Variants in CRMP1 observed in about 807,000 individuals in gnomAD.
CRMP1 encodes the protein collapsin response mediator protein 1.
A neutral mutation model predicts 68.3 loss-of-function variants in CRMP1; 19 were observed. The ratio of observed to expected loss-of-function variants is 0.28; its 90% CI spans 0.19 to 0.41. The LOEUF is 0.41. CRMP1 is among the 10% of genes least tolerant of loss of function. The probability of loss-of-function intolerance (pLI) is 1.00; values close to 1 mark genes in which losing one functional copy is unlikely to be tolerated. For synonymous variants in CRMP1, 439 were observed against 399.6 expected, an observed-to-expected ratio of 1.10 and a Z score of -1.18; for missense variants, 791 against 967.4, an observed-to-expected ratio of 0.82 and a Z score of 2.42.
In CRMP1 at chr4:5,842,974, G is replaced by A; in HGVS notation, c.1032+119C>T. On this transcript the variant is annotated intron_variant, in intron 7 of 13. Transcript: ENST00000324989. This position sits in a 1 kb window ranked among gnomAD's most constrained non-coding sequence, Gnocchi z 4.5. ...GGGGAAAACAAGATGGTTTGGGATG[G>A]TCTGGGAGAGGACACGGGAAGAGGC... is the stretch of plus-strand genomic sequence containing the variant. The A allele has an allele frequency of 1.1e-6, 1 of 933,794 alleles. No homozygotes were observed. The highest frequency in any genetic ancestry group is 1.7e-6 in the Non-Finnish European group (1 of 581,196). The allele number at this position is 933,794 out of a possible 1,614,324, so 57.8% of individuals were successfully genotyped here. A position where few individuals can be genotyped will look rare whatever the true frequency, so the allele number is the denominator to read the frequency against.
In CRMP1 at chr4:5,892,053, T is replaced by C. The variant is rs985912903; in HGVS notation, c.381+536A>G. 1.3e-5 allele frequency among the ~76,000 whole-genome samples: 2 copies of C among 152,092 alleles called. No homozygotes were observed. Among genetic ancestry groups the C allele is most frequent in the African/African-American group, 2.4e-5 (1 of 41,418 alleles). ...ACCAAATCCTTCCCCCCAGCAAGCA[T>C]GAGGGGAGCGCTCGGAAAAAAAGCT... is the stretch of plus-strand genomic sequence containing the variant. On this transcript the variant is annotated intron_variant, in intron 1 of 13. Coordinates refer to ENST00000324989, the MANE Select transcript of CRMP1 (RefSeq NM_001014809.3). The surrounding 1 kb of genome is among the most constrained non-coding windows in gnomAD (Gnocchi z 8.6).
chr4:5,857,691 C>T (rs142109098), intron 3 of CRMP1, among the ~76,000 whole-genome samples: 91 of 152,222 alleles, frequency 6.0e-4, no homozygotes, highest in Admixed American at 1.2e-3. Context: ...TGTCCAAGAG[C>T]GTACAACTAG....
chr4:5,844,672 T>C (rs1239591126), intron 6 of CRMP1, among the ~76,000 whole-genome samples: 2 of 152,202 alleles, frequency 1.3e-5, no homozygotes, highest in African/African-American at 4.8e-5. Context: ...AACAGCTAAA[T>C]CTCTGCTGGC....
rs1174964562 is a variant in CRMP1, at chr4:5,866,375, A to T, written c.470+293T>A. 1.3e-5 allele frequency among the ~76,000 whole-genome samples: 2 copies of T among 152,232 alleles called. 1 individual carries two copies. The highest frequency in any genetic ancestry group is 2.9e-5 in the Non-Finnish European group (2 of 68,036). ...CCAGACTCATTGGCCTGCCGCCTCC[A>T]AAACCACAAAACAGGAAACGTGTCT... is the stretch of plus-strand genomic sequence containing the variant. On this transcript the variant is annotated intron_variant, in intron 2 of 13. Transcript: ENST00000324989. This position sits in a 1 kb window ranked among gnomAD's most constrained non-coding sequence, Gnocchi z 5.9.
At chr4:5,835,172 A>G (rs919072657) in intron 11 of CRMP1, among the ~76,000 whole-genome samples, 1 of 152,226 alleles carries the variant, frequency 6.6e-6, no homozygotes, top group African/African-American at 2.4e-5. Flanking sequence ...CGGTGTGCAC[A>G]TGCACTACTT....
rs759421837 is a variant in CRMP1, at chr4:5,866,625, T to C, written c.470+43A>G. 5 of 1,480,196 alleles carry C rather than the reference T, an allele frequency of 3.4e-6. No individual in the cohort carries two copies. Among genetic ancestry groups the C allele is most frequent in the Non-Finnish European group, 4.7e-6 (5 of 1,063,604 alleles). The allele number at this position is 1,480,196 out of a possible 1,614,324, so 91.7% of individuals were successfully genotyped here. ...CTGTTCCATCTAAGGCCAGGCAGCC[T>C]GGCGACACAGGTTTCTTAAAAGGTC... is the stretch of plus-strand genomic sequence containing the variant. On this transcript the variant is annotated intron_variant, in intron 2 of 13. Coordinates refer to ENST00000324989, the MANE Select transcript of CRMP1 (RefSeq NM_001014809.3). The surrounding 1 kb of genome is among the most constrained non-coding windows in gnomAD (Gnocchi z 5.9).
rs1713978650 is a variant in CRMP1 at position 5,866,086 on chromosome 4, T to C, written c.470+582A>G. On this transcript the variant is annotated intron_variant, in intron 2 of 13. Coordinates refer to ENST00000324989, the MANE Select transcript of CRMP1 (RefSeq NM_001014809.3). This position sits in a 1 kb window ranked among gnomAD's most constrained non-coding sequence, Gnocchi z 5.9. ...GGCATTCCATTCCGGCAGCCAGCGC[T>C]GGCTAAGACACCTGGGTTGTCATAA... 6.6e-6 allele frequency among the ~76,000 whole-genome samples: 1 copy of C among 152,154 alleles called. No homozygotes were observed. Among genetic ancestry groups the C allele is most frequent in the Non-Finnish European group, 1.5e-5 (1 of 68,020 alleles).
rs979122404 is a variant in CRMP1, at chr4:5,841,309, T to C, written c.1152A>G (p.Lys384=). The change falls in exon 8 of 14, where the codon AAA becomes AAG. Residue 384 remains lysine, a splice_region_variant and synonymous_variant. Transcript: ENST00000324989. This position sits in a 1 kb window ranked among gnomAD's most constrained non-coding sequence, Gnocchi z 6.9. ...GAAGGCCCAGGGCCGGCTGCATACCTTTCTTCCTGGCCAGAGCGATGATGT... is the reference window on the plus strand; with the variant it reads ...GAAGGCCCAGGGCCGGCTGCATACCCTTCTTCCTGGCCAGAGCGATGATGT... The part of the protein sequence containing the change: ...AADIIALARK[K]GPLVFGEPIA... 3 of 1,613,766 alleles carry C rather than the reference T, an allele frequency of 1.9e-6. No homozygotes were observed. Among genetic ancestry groups the C allele is most frequent in the Non-Finnish European group, 2.5e-6 (3 of 1,179,914 alleles).
At chr4:5,882,665 G>A (rs1715290329) in intron 1 of CRMP1, among the ~76,000 whole-genome samples, 1 of 152,206 alleles carries the variant, frequency 6.6e-6, no homozygotes, top group South Asian at 2.1e-4. Flanking sequence ...TACATAGCTA[G>A]TAAGTAAAAC....
Position 5,892,675 on chromosome 4 carries a change from G to C in CRMP1, c.295C>G (p.Pro99Ala). ...SEPSGSAVSS[P>A]GERDERPPTL... is the part of the protein sequence containing the mutation. ...GGCGGCCGCTCGTCGCGCTCTCCGGGAGAGCTGACCGCGGAGCCCGAGGGC... is the reference window on the plus strand; with the variant it reads ...GGCGGCCGCTCGTCGCGCTCTCCGGCAGAGCTGACCGCGGAGCCCGAGGGC... The change falls in exon 1 of 14, where the codon CCC becomes GCC. Residue 99 changes from proline (P) to alanine (A), a missense_variant. This residue lies in a region of CRMP1 where 193 missense variants were observed against 186.3 expected (regional missense o/e 1.04). Coordinates refer to ENST00000324989, the MANE Select transcript of CRMP1 (RefSeq NM_001014809.3). This position sits in a 1 kb window ranked among gnomAD's most constrained non-coding sequence, Gnocchi z 8.6. 2 of 1,216,266 alleles carry C rather than the reference G, an allele frequency of 1.6e-6. No homozygotes were observed. The highest frequency in any genetic ancestry group is 3.6e-5 in the East Asian group (1 of 28,102). The allele number at this position is 1,216,266 out of a possible 1,614,324, so 75.3% of individuals were successfully genotyped here.
intron 8 of CRMP1, among the ~76,000 whole-genome samples, chr4:5,840,175 C>T (rs2152459494): frequency 6.6e-6 from 1 of 152,292 alleles, no homozygotes; most frequent in South Asian, 2.1e-4. Context: ...CAGCTGAGGG[C>T]CCTGGCACTC....
rs548192276 is a variant in CRMP1 at position 5,843,315 on chromosome 4, A to C, written c.964-154T>G. On this transcript the variant is annotated intron_variant, in intron 6 of 13. Transcript: ENST00000324989. The surrounding 1 kb of genome is among the most constrained non-coding windows in gnomAD (Gnocchi z 4.1). ...AACAGTGTGCGGGGTGGGGGCAGTG[A>C]ACTGTGTCCCCTCCACTACACACCC... Among the ~76,000 whole-genome samples, 11 of 152,170 alleles carry C rather than the reference A, an allele frequency of 7.2e-5. No individual in the cohort carries two copies. Among genetic ancestry groups the C allele is most frequent in the African/African-American group, 2.6e-4 (11 of 41,516 alleles).
chr4:5,822,709 A>G (rs1398020504), intron 13 of CRMP1, among the ~76,000 whole-genome samples: 2 of 152,210 alleles, frequency 1.3e-5, no homozygotes, highest in African/African-American at 4.8e-5. Context: ...GGGGAAGTTG[A>G]GCCGGCGGAA....
intron 12 of CRMP1, chr4:5,826,515 T>C (rs73206288): frequency 0.054 from 8,188 of 150,514 alleles, 230 homozygotes; most frequent in African/African-American, 0.063. Flanking sequence ...GCCACAGCCC[T>C]AGCCCCACTG....
rs574358720 is a variant in CRMP1 at position 5,824,749 on chromosome 4, C to T, written c.1969+745G>A. On this transcript the variant is annotated intron_variant, in intron 13 of 13. Coordinates refer to ENST00000324989, the MANE Select transcript of CRMP1 (RefSeq NM_001014809.3). The stretch of plus-strand genomic sequence containing the variant: ...CCTTCTAAGAAAAAAAATCACCATA[C>T]TCTTAGTACCCAGCACGGTGTGCAA... The T allele has an allele frequency of 7.1e-6, 7 of 985,208 alleles. No homozygotes were observed. In the Admixed American group the frequency reaches 3.7e-4, roughly 52 times the overall value. 61.0% of individuals were successfully genotyped at this position (985,208 alleles called of 1,614,324 possible). A position where few individuals can be genotyped will look rare whatever the true frequency, so the allele number is the denominator to read the frequency against.
At chr4:5,852,804 T>TG (rs1402089364) in intron 4 of CRMP1, among the ~76,000 whole-genome samples, 1 of 150,412 alleles carries the variant, frequency 6.6e-6, no homozygotes, top group Non-Finnish European at 1.5e-5. Flanking sequence ...GGGGGATGCA[T>TG]GGGGGGGTTG....
At position 5,854,564 on chromosome 4, in the gene CRMP1, A is replaced by C. The variant is rs1185031945; in HGVS notation, c.820+1579T>G. Among the ~76,000 whole-genome samples the C allele has an allele frequency of 6.6e-6, 1 of 152,126 alleles. No individual in the cohort carries two copies. The highest frequency in any genetic ancestry group is 2.4e-5 in the African/African-American group (1 of 41,430). On this transcript the variant is annotated intron_variant, in intron 4 of 13. Transcript: ENST00000324989. The surrounding 1 kb of genome is among the most constrained non-coding windows in gnomAD (Gnocchi z 4.0). ...CCAATAATGCCTTCTTGATAGAAAGAGCTTAAACAGACATATGAAAATGCA... is the reference window on the plus strand; with the variant it reads ...CCAATAATGCCTTCTTGATAGAAAGCGCTTAAACAGACATATGAAAATGCA...
intron 11 of CRMP1, 107 bp from the exon 12 acceptor site, chr4:5,828,775 T>C (rs1449524239): frequency 2.6e-5 from 35 of 1,326,178 alleles, no homozygotes; most frequent in Non-Finnish European, 3.2e-5. Flanking sequence ...GTTCCAATGT[T>C]TTTTTTTCTC....
In CRMP1 at chr4:5,872,611, C is replaced by A. The variant is rs2152471690; in HGVS notation, c.382-5855G>T. Among the ~76,000 whole-genome samples the A allele has an allele frequency of 6.6e-6, 1 of 152,270 alleles. No homozygotes were observed. The highest frequency in any genetic ancestry group is 1.5e-5 in the Non-Finnish European group (1 of 68,022). On this transcript the variant is annotated intron_variant, in intron 1 of 13. Coordinates refer to ENST00000324989, the MANE Select transcript of CRMP1 (RefSeq NM_001014809.3). The surrounding 1 kb of genome is among the most constrained non-coding windows in gnomAD (Gnocchi z 4.6). Reference sequence around the variant, plus strand: ...CTGAGGCAGGAGAATCACTTGAACCCAGGAGGCGGAGGTTGCAGTGAGCTG... The same window carrying A: ...CTGAGGCAGGAGAATCACTTGAACCAAGGAGGCGGAGGTTGCAGTGAGCTG...
Sources: gnomAD v4.1 joint callset for allele counts (sites outside exome capture counted in the v4.1 genomes callset) on GRCh38, gnomAD v4.1.1 for gene constraint, gnomAD v4.1.1 regional missense constraint, Gnocchi (gnomAD v3.1) non-coding constraint, MANE v1.5 for transcripts, NCBI Gene and HGNC (gene_info 2026-07-23, HGNC 2026-07-21) for gene names.